Variants in RIMS4 observed in about 807,000 individuals in gnomAD.
RIMS4 encodes regulating synaptic membrane exocytosis 4.
Under a neutral mutation model 29.0 loss-of-function variants are expected in RIMS4, and 9 were observed. The ratio of observed to expected loss-of-function variants is 0.31; its 90% confidence interval spans 0.19 to 0.54. The LOEUF is 0.54. RIMS4 is among the 20% of genes least tolerant of loss of function. RIMS4 has a pLI of 0.94. For synonymous variants in RIMS4, 130 were observed against 152.9 expected (o/e 0.85, Z 1.10); for missense variants, 193 against 365.7 (o/e 0.53, Z 3.85).
chr20:44,757,322 C>A (rs2066064943), intron 4 of RIMS4, among the ~76,000 whole-genome samples: 1 of 151,956 alleles, frequency 6.6e-6, no homozygotes, highest in South Asian at 2.1e-4. Flanking sequence ...AATGTGCCCA[C>A]CCCCTCCCTG....
intron 2 of RIMS4, among the ~76,000 whole-genome samples, chr20:44,763,160 T>TG (rs2066093572): frequency 6.6e-6 from 1 of 152,182 alleles, no homozygotes; most frequent in South Asian, 2.1e-4. Context: ...GGACTTACAC[T>TG]GGGAAAATAA....
intron 1 of RIMS4, among the ~76,000 whole-genome samples, chr20:44,792,325 T>C (rs2066236435): frequency 6.6e-6 from 1 of 151,806 alleles, no homozygotes; most frequent in Non-Finnish European, 1.5e-5. Context: ...AGAGTTTCGC[T>C]CTTGTTGCCC....
intron 1 of RIMS4, among the ~76,000 whole-genome samples, chr20:44,790,182 A>T (rs2081662095): frequency 6.6e-6 from 1 of 152,244 alleles, no homozygotes; most frequent in South Asian, 2.1e-4. Context: ...GCTGCTGACG[A>T]AAGGCACATG....
chr20:44,752,774 G>A lies in RIMS4; in HGVS notation c.*3360C>T, dbSNP rs1274941245. The A allele has an allele frequency of 6.6e-6, 1 of 152,540 alleles. No homozygotes were observed. The highest frequency in any genetic ancestry group is 1.5e-5 in the Non-Finnish European group (1 of 68,298). 9.4% of individuals were successfully genotyped at this position (152,540 alleles called of 1,614,324 possible). A position where few individuals can be genotyped will look rare whatever the true frequency, so the allele number is the denominator to read the frequency against. On this transcript the variant is annotated 3_prime_UTR_variant, in exon 6 of 6. Transcript: ENST00000372851. ...CTGCTCCCATTCCCTCACTGCCCCAGGCAGGAGCTGGTGTTTCCTAACTCT... is the reference window on the plus strand; with the variant it reads ...CTGCTCCCATTCCCTCACTGCCCCAAGCAGGAGCTGGTGTTTCCTAACTCT...
At chr20:44,787,781 A>C (rs1706033831) in intron 1 of RIMS4, among the ~76,000 whole-genome samples, 1 of 152,234 alleles carries the variant, frequency 6.6e-6, no homozygotes, top group Non-Finnish European at 1.5e-5. Flanking sequence ...CCAGCCCTAA[A>C]AGTAAGCATT....
intron 1 of RIMS4, among the ~76,000 whole-genome samples, chr20:44,781,803 C>T (rs1314048540): frequency 6.6e-6 from 1 of 152,154 alleles, no homozygotes; most frequent in Non-Finnish European, 1.5e-5. Flanking sequence ...CTAAACAAGC[C>T]TTGGAAGGAA....
intron 1 of RIMS4, among the ~76,000 whole-genome samples, chr20:44,807,291 C>T (rs1038437409): frequency 2.6e-5 from 4 of 152,176 alleles, no homozygotes; most frequent in Admixed American, 1.3e-4. Context: ...CTTCCTGTGC[C>T]CACCCCAATG....
At position 44,758,084 on chromosome 20, in the gene RIMS4, T is replaced by C. The variant is rs2066068463; in HGVS notation, c.337A>G (p.Thr113Ala). The C allele has an allele frequency of 3.7e-6, 6 of 1,609,252 alleles. No individual in the cohort carries two copies. The East Asian group carries it at 1.1e-4, about 30-fold the overall frequency. Residue 113 changes from threonine to alanine, a missense_variant, in exon 3 of 6, where the codon ACC (threonine) becomes GCC (alanine). Physicochemically the swap from Thr to Ala is moderately conservative, Grantham distance 58 (BLOSUM62 0). Coordinates refer to ENST00000372851, the MANE Select transcript of RIMS4 (RefSeq NM_182970.4). Reference sequence around the variant, plus strand: ...TTGGGGCACTCACCCATGGGTGTGGTGGCCAGGGTCTGGCGGCCCACAAAC... The same window carrying C: ...TTGGGGCACTCACCCATGGGTGTGGCGGCCAGGGTCTGGCGGCCCACAAAC... Reference protein sequence around the residue: ...AQFVGRQTLATTPMGDVEIGL... With the variant: ...AQFVGRQTLAATPMGDVEIGL...
At chr20:44,757,542 G>C in intron 4 of RIMS4, 128 bp downstream of exon 4, 1 of 715,534 alleles carries the variant, frequency 1.4e-6, no homozygotes, top group Non-Finnish European at 2.5e-6. Context: ...TTCCACATAA[G>C]ACATCAGAGT....
chr20:44,768,973 C>G lies in RIMS4; in HGVS notation c.236+2302G>C, dbSNP rs185358756. 3.9e-5 allele frequency among the ~76,000 whole-genome samples: 6 copies of G among 152,270 alleles called. No homozygotes were observed. The East Asian group carries it at 9.7e-4, about 24-fold the overall frequency. ...TTTTACATGTATTAACATATTGAAC[C>G]CTCACAACTCTGTAAGTGTCTGCAC... On this transcript the variant is annotated intron_variant, in intron 2 of 5. Transcript: ENST00000372851.
At position 44,786,199 on chromosome 20, in the gene RIMS4, T is replaced by G. The variant is rs575654979; in HGVS notation, c.98-14786A>C. On this transcript the variant is annotated intron_variant, in intron 1 of 5. Coordinates refer to ENST00000372851, the MANE Select transcript of RIMS4 (RefSeq NM_182970.4). The stretch of plus-strand genomic sequence containing the variant: ...GCTCCCATCCTTCCCTATTTTTAAC[T>G]CCAAGGACAGCAGCTCAGGCAGAAG... Among the ~76,000 whole-genome samples the G allele has an allele frequency of 4.2e-4, 64 of 152,188 alleles. 1 individual carries two copies. In the South Asian group the frequency reaches 0.013, roughly 32 times the overall value.
rs141694242 is a variant in RIMS4 at position 44,782,012 on chromosome 20, G to C, written c.98-10599C>G. ...AGCCCACGTACTTCCGTCTTCTTAGGAGAACAGGCTCTGGAGCCAGAAAAA... is the reference window on the plus strand; with the variant it reads ...AGCCCACGTACTTCCGTCTTCTTAGCAGAACAGGCTCTGGAGCCAGAAAAA... On this transcript the variant is annotated intron_variant, in intron 1 of 5. Coordinates refer to ENST00000372851, the MANE Select transcript of RIMS4 (RefSeq NM_182970.4). Among the ~76,000 whole-genome samples, 5 of 152,298 alleles carry C rather than the reference G, an allele frequency of 3.3e-5. No individual in the cohort carries two copies. The East Asian group carries it at 9.6e-4, about 29-fold the overall frequency.
chr20:44,798,650 C>G (rs186064890), intron 1 of RIMS4, among the ~76,000 whole-genome samples: 1 of 152,244 alleles, frequency 6.6e-6, no homozygotes, highest in Non-Finnish European at 1.5e-5. Flanking sequence ...CTGCCCTTAG[C>G]TCATAGGAGC....
rs1384950628 is a variant in RIMS4 at position 44,752,061 on chromosome 20, T to A, written c.*4073A>T. 2.0e-5 allele frequency: 3 copies of A among 152,190 alleles called. No individual in the cohort carries two copies. The highest frequency in any genetic ancestry group is 4.8e-5 in the African/African-American group (2 of 41,426). The allele number at this position is 152,190 out of a possible 1,614,324, so 9.4% of individuals were successfully genotyped here. ...AGTGAAAGGGCTCCAGAGGTGATGC[T>A]CACAGCCCTGGGTTCGGCTCCATTC... On this transcript the variant is annotated 3_prime_UTR_variant, in exon 6 of 6. Coordinates refer to ENST00000372851, the MANE Select transcript of RIMS4 (RefSeq NM_182970.4).
rs2066060206 is a variant in RIMS4, at chr20:44,756,372, G to A, written c.592-20C>T. 3 of 1,606,156 alleles carry A rather than the reference G, an allele frequency of 1.9e-6. No individual in the cohort carries two copies. The highest frequency in any genetic ancestry group is 2.6e-6 in the Non-Finnish European group (3 of 1,175,312). Reference sequence around the variant, plus strand: ...GATCACCTGTGGGGCAAGAGACACAGTGGTTCAAATCCTGCCAGTGCCACT... The same window carrying A: ...GATCACCTGTGGGGCAAGAGACACAATGGTTCAAATCCTGCCAGTGCCACT... On this transcript the variant is annotated intron_variant, in intron 5 of 5. Transcript: ENST00000372851. This position sits in a 1 kb window ranked among gnomAD's most constrained non-coding sequence, Gnocchi z 5.9.
chr20:44,800,638 CAG>C (rs906547132), intron 1 of RIMS4, among the ~76,000 whole-genome samples: 5 of 151,944 alleles, frequency 3.3e-5, no homozygotes, highest in African/African-American at 7.3e-5. Context: ...ACCGCAGAGT[CAG>C]GGGGAGACAA....
At chr20:44,784,122 G>A (rs1321962294) in intron 1 of RIMS4, among the ~76,000 whole-genome samples, 1 of 152,162 alleles carries the variant, frequency 6.6e-6, no homozygotes, top group African/African-American at 2.4e-5. Context: ...GAAGCAGTGT[G>A]GAAAACCTGC....
chr20:44,776,016 T>C (rs1249629942), intron 1 of RIMS4, among the ~76,000 whole-genome samples: 3 of 151,286 alleles, frequency 2.0e-5, no homozygotes, highest in Non-Finnish European at 4.4e-5. Flanking sequence ...TGGTGGCTCA[T>C]GCCCGTAATC....
intron 1 of RIMS4, among the ~76,000 whole-genome samples, chr20:44,779,371 G>A (rs939658281): frequency 2.0e-5 from 3 of 152,180 alleles, no homozygotes; most frequent in African/African-American, 7.2e-5. Context: ...AACATTACCA[G>A]TGCCCTACAG....
Sources: gnomAD v4.1 joint callset for allele counts (sites outside exome capture counted in the v4.1 genomes callset) on GRCh38, gnomAD v4.1.1 for gene constraint, Gnocchi (gnomAD v3.1) non-coding constraint, MANE v1.5 for transcripts, NCBI Gene and HGNC (gene_info 2026-07-23, HGNC 2026-07-21) for gene names.